Variants in TANGO6 observed in about 807,000 individuals in gnomAD.
The protein encoded by TANGO6 is transport and golgi organization 6 homolog.
In TANGO6, 90 loss-of-function variants were observed where a neutral mutation model predicts 114.2. The ratio of observed to expected loss-of-function variants is 0.79; its 90% CI spans 0.66 to 0.94. The LOEUF is 0.94. Ranked by LOEUF, TANGO6 falls within the 40% of genes least tolerant of loss-of-function variation. The pLI, the probability that TANGO6 is intolerant of heterozygous loss-of-function variation, is 0.00. For synonymous variants in TANGO6, 477 were observed against 509.8 expected (o/e 0.94, Z 0.87); for missense variants, 1,274 against 1,315.3 (o/e 0.97, Z 0.49).
At chr16:69,064,343 A>G (rs1960183205) in intron 17 of TANGO6, among the ~76,000 whole-genome samples, 1 of 152,152 alleles carries the variant, frequency 6.6e-6, no homozygotes, top group East Asian at 1.9e-4. Flanking sequence ...CAAATGCCCT[A>G]AGGATTGCAG....
chr16:68,902,501 T>C lies in TANGO6; in HGVS notation c.1664T>C (p.Ile555Thr), dbSNP rs200232666. The stretch of plus-strand genomic sequence containing the variant: ...ATTATGATTACCATCAAAGAGGCCA[T>C]TAGGTGAGTCCACCCATCCGTTACT... ...GGIMITIKEA[I>T]SDEDEDEALY... is the part of the protein sequence containing the mutation. The change falls in exon 9 of 18, where the codon ATT becomes ACT. Residue 555 changes from isoleucine (I) to threonine (T), a missense_variant. Around this residue, in one of 5 missense-constraint regions of TANGO6, gnomAD observed 908 missense variants for 910.2 expected, o/e 1.00. Transcript: ENST00000261778. 1.2e-5 allele frequency: 19 copies of C among 1,609,018 alleles called. No individual in the cohort carries two copies. The African/African-American group carries it at 2.4e-4, about 20-fold the overall frequency.
At chr16:69,073,939 G>C (rs185798131) in intron 17 of TANGO6, among the ~76,000 whole-genome samples, 1 of 151,204 alleles carries the variant, frequency 6.6e-6, no homozygotes, top group Non-Finnish European at 1.5e-5. Context: ...AGCCTGGGGG[G>C]CACAGAGCAA....
At chr16:69,000,494 A>G (rs1256534295) in intron 15 of TANGO6, among the ~76,000 whole-genome samples, 2 of 152,236 alleles carry the variant, frequency 1.3e-5, no homozygotes, top group Non-Finnish European at 2.9e-5. Context: ...TTAGCTTTCC[A>G]GACAAGATCC....
chr16:68,877,074 T>G (rs1359700899), intron 5 of TANGO6, among the ~76,000 whole-genome samples: 1 of 152,242 alleles, frequency 6.6e-6, no homozygotes, highest in Non-Finnish European at 1.5e-5. Context: ...AAAGGTTTTA[T>G]GCATTTAAAT....
At chr16:68,880,821 A>G (rs542567925) in intron 7 of TANGO6, among the ~76,000 whole-genome samples, 191 bp downstream of exon 7, 47 of 151,940 alleles carry the variant, frequency 3.1e-4, no homozygotes, top group Middle Eastern at 6.8e-3. Context: ...CGCTGCTCCC[A>G]GCCTTTTAAA....
chr16:69,046,251 T>C (rs1028431606), intron 17 of TANGO6, among the ~76,000 whole-genome samples: 2 of 151,766 alleles, frequency 1.3e-5, no homozygotes, highest in African/African-American at 4.8e-5. Context: ...TGGAACATGT[T>C]CCCCAGAGAG....
At chr16:68,847,728 G>A (rs1441263048) in intron 1 of TANGO6, among the ~76,000 whole-genome samples, 7 of 152,120 alleles carry the variant, frequency 4.6e-5, no homozygotes, top group African/African-American at 1.2e-4. Flanking sequence ...GGCTGAGCGC[G>A]GTAGCTCACA....
chr16:68,866,884 C>T (rs1962186105), intron 3 of TANGO6, among the ~76,000 whole-genome samples, 195 bp from the exon 4 acceptor site: 1 of 151,760 alleles, frequency 6.6e-6, no homozygotes, highest in South Asian at 2.1e-4. Context: ...TTGCAGTGAG[C>T]CGAGATTTTG....
chr16:68,880,677 A>T (rs1014573656), intron 7 of TANGO6, 47 bp downstream of exon 7: 27 of 1,423,116 alleles, frequency 1.9e-5, no homozygotes, highest in Admixed American at 4.8e-5. Context: ...CTTATTTAAA[A>T]TTTTTTTTAA....
intron 16 of TANGO6, among the ~76,000 whole-genome samples, chr16:69,030,528 G>A (rs991279845): frequency 2.0e-5 from 3 of 152,032 alleles, no homozygotes; most frequent in African/African-American, 7.2e-5. Context: ...GAGTAAAGGG[G>A]TGGGGGGTTA....
chr16:68,963,402 C>A (rs567289925), intron 14 of TANGO6, among the ~76,000 whole-genome samples: 9 of 152,344 alleles, frequency 5.9e-5, no homozygotes, highest in African/African-American at 2.2e-4. Flanking sequence ...CAGGTGTGAA[C>A]CACCATGCCC....
chr16:69,031,582 G>A (rs542169016), intron 16 of TANGO6, among the ~76,000 whole-genome samples: 4 of 151,934 alleles, frequency 2.6e-5, no homozygotes, highest in East Asian at 2.0e-4. Context: ...CACGCTACTC[G>A]GGATAAATTT....
intron 9 of TANGO6, among the ~76,000 whole-genome samples, chr16:68,904,823 G>T (rs571665651): frequency 6.6e-6 from 1 of 152,136 alleles, no homozygotes; most frequent in South Asian, 2.1e-4. Context: ...CTTGAGCTGG[G>T]TATGGTGGTT....
At chr16:69,045,803 T>C (rs1300630922) in intron 17 of TANGO6, among the ~76,000 whole-genome samples, 2 of 150,808 alleles carry the variant, frequency 1.3e-5, no homozygotes, top group African/African-American at 2.4e-5. Flanking sequence ...TGGTGGCTCA[T>C]GCTTGTAATC....
intron 15 of TANGO6, among the ~76,000 whole-genome samples, chr16:69,020,922 G>C (rs902796513): frequency 1.3e-5 from 2 of 151,118 alleles, no homozygotes; most frequent in African/African-American, 4.9e-5. Context: ...GTGTGTGTGT[G>C]TGTGTGTGTG....
chr16:68,992,160 G>C (rs894319657), intron 15 of TANGO6, among the ~76,000 whole-genome samples: 1 of 152,164 alleles, frequency 6.6e-6, no homozygotes, highest in Non-Finnish European at 1.5e-5. Context: ...TAGTCTTCTA[G>C]TAGGGTTGCC....
chr16:68,857,709 A>G (rs1962021179), intron 1 of TANGO6, among the ~76,000 whole-genome samples: 1 of 152,212 alleles, frequency 6.6e-6, no homozygotes. Context: ...GATTTTGGCC[A>G]TTCTAATAGG....
intron 1 of TANGO6, among the ~76,000 whole-genome samples, chr16:68,850,002 C>G (rs1430839994): frequency 8.9e-6 from 1 of 112,332 alleles, no homozygotes; most frequent in African/African-American, 3.6e-5. Context: ...GAGACGGAAT[C>G]TTGCTCTGTT....
intron 17 of TANGO6, among the ~76,000 whole-genome samples, chr16:69,058,758 C>T (rs987847874): frequency 2.0e-5 from 3 of 152,144 alleles, no homozygotes; most frequent in East Asian, 1.9e-4. Flanking sequence ...CTCTGCTTCC[C>T]GTGTTCACAC....
Sources: allele counts gnomAD v4.1 joint callset (sites outside exome capture counted in the v4.1 genomes callset), GRCh38; gene constraint gnomAD v4.1.1; regional missense constraint gnomAD v4.1.1; transcripts MANE v1.5; gene names NCBI Gene and HGNC (gene_info 2026-07-23, HGNC 2026-07-21).